Variants in MCM5 observed in about 807,000 individuals in gnomAD.
The protein encoded by MCM5 is minichromosome maintenance complex component 5, also known as DNA replication licensing factor MCM5.
A neutral mutation model predicts 79.9 loss-of-function variants in MCM5; 46 were observed. That is an observed-to-expected ratio of 0.58 (90% CI 0.45 to 0.74). MCM5 has a LOEUF of 0.74. MCM5 is among the 30% of genes least tolerant of loss of function. The pLI, the probability that MCM5 is intolerant of heterozygous loss-of-function variation, is 0.00. For missense variants in MCM5, 883 were observed against 1,017.0 expected (o/e 0.87, Z 1.79); for synonymous variants, 404 against 390.5 (o/e 1.03, Z -0.41).
chr22:35,426,331 G>T (rs374071546), downstream of MCM5, among the ~76,000 whole-genome samples: 15 of 152,198 alleles, frequency 9.9e-5, no homozygotes, highest in African/African-American at 3.6e-4. Flanking sequence ...GGCCAGGAGA[G>T]GGGAGCATTC....
At chr22:35,438,681 A>AT in the MCM5 span, among the ~76,000 whole-genome samples, 43 of 148,786 alleles carry the variant, frequency 2.9e-4, no homozygotes, top group African/African-American at 1.0e-3. Flanking sequence ...TCACCCATCC[A>AT]TCCATCCATC....
At chr22:35,432,218 G>A in the MCM5 span, among the ~76,000 whole-genome samples, 3 of 152,140 alleles carry the variant, frequency 2.0e-5, no homozygotes, top group Admixed American at 6.5e-5. Flanking sequence ...TCCTGCTTGG[G>A]GGAGAAAGAT....
the MCM5 span, among the ~76,000 whole-genome samples, chr22:35,453,354 G>A: frequency 1.9e-4 from 28 of 144,924 alleles, no homozygotes; most frequent in African/African-American, 6.4e-4. Flanking sequence ...CTGAGCAAGC[G>A]CGTCAGAGAC....
At chr22:35,407,345 G>A (rs551515361) in intron 5 of MCM5, among the ~76,000 whole-genome samples, 76 of 152,168 alleles carry the variant, frequency 5.0e-4, no homozygotes, top group African/African-American at 1.8e-3. Context: ...GGAGAGGCAC[G>A]CTACCTCCTC....
intron 4 of MCM5, among the ~76,000 whole-genome samples, chr22:35,405,018 C>A (rs1932169367): frequency 1.5e-5 from 2 of 135,790 alleles, no homozygotes; most frequent in African/African-American, 5.6e-5. Context: ...AACTAGAGGC[C>A]AATTTTTTTT....
At chr22:35,406,299 T>TCCCCC (rs57728496) in intron 4 of MCM5, among the ~76,000 whole-genome samples, 1 of 128,558 alleles carries the variant, frequency 7.8e-6, no homozygotes, top group Non-Finnish European at 1.6e-5. Flanking sequence ...CCCTGCCACC[T>TCCCCC]CCCCCCCCAA....
intron 2 of MCM5, 73 bp downstream of exon 2, chr22:35,400,678 T>G: frequency 1.4e-6 from 2 of 1,457,340 alleles, no homozygotes; most frequent in South Asian, 2.7e-5. Context: ...CCTGCTAGAG[T>G]CCTGGACAGT....
chr22:35,400,743 C>G, intron 2 of MCM5, 138 bp downstream of exon 2: 2 of 871,350 alleles, frequency 2.3e-6, no homozygotes, highest in Non-Finnish European at 3.4e-6. Flanking sequence ...TCACAGGGCT[C>G]ATCCCGGCAG....
chr22:35,436,180 A>AG, the MCM5 span, among the ~76,000 whole-genome samples: 6 of 43,496 alleles, frequency 1.4e-4, no homozygotes, highest in South Asian at 6.9e-4. Context: ...AAAAAAAAAA[A>AG]AAAGAAAAAA....
chr22:35,424,308 C>G lies in MCM5; in HGVS notation c.*53C>G, dbSNP rs185471383. ...CTCGCCCACGCCTCGCCCCTCCTGCCGCTGCCTGCCATTGACAATGTTGCT... is the reference window on the plus strand; with the variant it reads ...CTCGCCCACGCCTCGCCCCTCCTGCGGCTGCCTGCCATTGACAATGTTGCT... On this transcript the variant is annotated 3_prime_UTR_variant, in exon 17 of 17. Transcript: ENST00000216122. The G allele has an allele frequency of 6.2e-6, 8 of 1,298,544 alleles. No individual in the cohort carries two copies. Among genetic ancestry groups the G allele is most frequent in the Non-Finnish European group, 8.5e-6 (8 of 937,422 alleles). The allele number at this position is 1,298,544 out of a possible 1,614,324, so 80.4% of individuals were successfully genotyped here.
At chr22:35,450,582 C>G in the MCM5 span, among the ~76,000 whole-genome samples, 1 of 152,164 alleles carries the variant, frequency 6.6e-6, no homozygotes, top group African/African-American at 2.4e-5. Context: ...TTGGCCCTTT[C>G]ACTCCCACTG....
the MCM5 span, among the ~76,000 whole-genome samples, chr22:35,440,634 C>A: frequency 6.6e-6 from 1 of 152,210 alleles, no homozygotes; most frequent in Non-Finnish European, 1.5e-5. Context: ...ATGCAAACTC[C>A]ATTTGACCCT....
At chr22:35,410,620 A>G (rs1456625069) in intron 6 of MCM5, 124 bp from the exon 7 acceptor site, 2 of 899,332 alleles carry the variant, frequency 2.2e-6, no homozygotes, top group African/African-American at 1.6e-5. Context: ...CCAGCTCAGC[A>G]TGTGGTGCCT....
chr22:35,435,008 G>A, the MCM5 span, among the ~76,000 whole-genome samples: 1 of 152,166 alleles, frequency 6.6e-6, no homozygotes, highest in Non-Finnish European at 1.5e-5. Flanking sequence ...AAAATTAGCT[G>A]GGTATGGTGG....
the MCM5 span, among the ~76,000 whole-genome samples, chr22:35,432,545 C>CT: frequency 6.6e-6 from 1 of 152,228 alleles, no homozygotes; most frequent in Non-Finnish European, 1.5e-5. Context: ...CTGGAAGTAT[C>CT]TCCTCCAACT....
rs750348789 is a variant in MCM5, at chr22:35,412,550, G to A, written c.960G>A (p.Glu320=). The A allele has an allele frequency of 6.3e-6, 10 of 1,578,966 alleles. No homozygotes were observed. Among genetic ancestry groups the A allele is most frequent in the African/African-American group, 4.1e-5 (3 of 73,372 alleles). The change falls in exon 8 of 17, where the codon GAG becomes GAA. Residue 320 remains glutamate (E), a synonymous_variant. Coordinates refer to ENST00000216122, the MANE Select transcript of MCM5 (RefSeq NM_006739.4). ...GGGCCGTGAGCCCCCAGGAGGAGGA[G>A]GAGTTCCGTCGCCTGGCTGCCCTCC... ...FAGAVSPQEE[E]EFRRLAALPN... is the part of the protein sequence containing the mutation.
chr22:35,423,335 C>A lies in MCM5; in HGVS notation c.2097C>A (p.Thr699=). 1 of 1,600,396 alleles carries A rather than the reference C, an allele frequency of 6.2e-7. No individual in the cohort carries two copies. Among genetic ancestry groups the A allele is most frequent in the Non-Finnish European group, 8.5e-7 (1 of 1,170,894 alleles). The change falls in exon 16 of 17, where the codon ACC becomes ACA. Residue 699 remains threonine (T), a synonymous_variant. Coordinates refer to ENST00000216122, the MANE Select transcript of MCM5 (RefSeq NM_006739.4). ...AGCACAGCATCATCAAGGACTTCAC[C>A]AAGCAGGTGAGCCTGCCTTGGAGTG... ...VSEHSIIKDF[T]KQKYPEHAIH...
intron 5 of MCM5, 36 bp from the exon 6 acceptor site, chr22:35,408,372 G>A: frequency 6.3e-7 from 1 of 1,586,014 alleles, no homozygotes; most frequent in Non-Finnish European, 8.6e-7. Flanking sequence ...GATTCTCCAG[G>A]TAGCTTTGGT....
chr22:35,420,334 G>A (rs1410813401), intron 14 of MCM5, among the ~76,000 whole-genome samples: 1 of 152,230 alleles, frequency 6.6e-6, no homozygotes, highest in African/African-American at 2.4e-5. Context: ...CTAGCCCACT[G>A]TGTGACTGTA....
Sources: allele counts gnomAD v4.1 joint callset (sites outside exome capture counted in the v4.1 genomes callset), GRCh38; gene constraint gnomAD v4.1.1; transcripts MANE v1.5; gene names NCBI Gene and HGNC (gene_info 2026-07-23, HGNC 2026-07-21).